Variants in MTAP observed in about 807,000 individuals in gnomAD.
The protein encoded by MTAP is S-methyl-5'-thioadenosine phosphorylase.
Under a neutral mutation model 33.6 loss-of-function variants are expected in MTAP, and 33 were observed. That is an observed-to-expected ratio of 0.98 (90% CI 0.74 to 1.31). The LOEUF (loss-of-function observed/expected upper bound fraction) is 1.31. Among genes scored for constraint, MTAP ranks in the 40% most tolerant of loss-of-function variants. MTAP has a pLI of 0.00. For synonymous variants in MTAP, 148 were observed against 125.7 expected, an observed-to-expected ratio of 1.18 and a Z score of -1.19; for missense variants, 367 against 360.0, an observed-to-expected ratio of 1.02 and a Z score of -0.16.
chr9:21,829,460 C>G (rs1358283227), intron 4 of MTAP, among the ~76,000 whole-genome samples: 2 of 150,328 alleles, frequency 1.3e-5, no homozygotes, highest in African/African-American at 4.9e-5. Context: ...CAGTCCCACT[C>G]TGTTGCCCAG....
intron 1 of MTAP, among the ~76,000 whole-genome samples, chr9:21,926,507 T>C (rs902490988): frequency 1.2e-4 from 19 of 152,204 alleles, no homozygotes; most frequent in African/African-American, 4.6e-4. Context: ...AGATGCTTTC[T>C]TTTGTGTCTC....
chr9:21,804,750 T>C (rs1057099036), intron 1 of MTAP, among the ~76,000 whole-genome samples: 2 of 152,224 alleles, frequency 1.3e-5, no homozygotes, highest in Non-Finnish European at 2.9e-5. Flanking sequence ...AGACCATCCA[T>C]ATAGCCACAC....
chr9:21,803,408 A>AAGG (rs1824119653), intron 1 of MTAP: 1 of 153,934 alleles, frequency 6.5e-6, no homozygotes, highest in African/African-American at 2.4e-5. Context: ...TTTCTTCGAA[A>AAGG]AGGAGTACAG....
chr9:21,830,096 A>T (rs567031386), intron 4 of MTAP, among the ~76,000 whole-genome samples: 1 of 152,222 alleles, frequency 6.6e-6, no homozygotes, highest in East Asian at 1.9e-4. Flanking sequence ...TTCTCATTCA[A>T]GTAAATTCCA....
intron 1 of MTAP, among the ~76,000 whole-genome samples, chr9:21,916,407 C>T (rs1196490146): frequency 6.6e-6 from 1 of 151,790 alleles, no homozygotes; most frequent in Admixed American, 6.6e-5. Flanking sequence ...GTCAGGAGTT[C>T]GAGACAGGCC....
chr9:21,804,643 A>G (rs1346596887), intron 1 of MTAP, among the ~76,000 whole-genome samples: 1 of 152,230 alleles, frequency 6.6e-6, no homozygotes, highest in Non-Finnish European at 1.5e-5. Context: ...CATTCTGTAT[A>G]GAAGATGTGA....
chr9:21,815,288 T>A, intron 1 of MTAP, 145 bp from the exon 2 acceptor site: 1 of 558,920 alleles, frequency 1.8e-6, no homozygotes, highest in Non-Finnish European at 3.1e-6. Flanking sequence ...TGTTGATTGA[T>A]GTTCAGTAAT....
downstream of MTAP, among the ~76,000 whole-genome samples, chr9:21,870,036 A>G (rs760962477): frequency 6.6e-5 from 10 of 152,086 alleles, no homozygotes; most frequent in Non-Finnish European, 1.3e-4. Flanking sequence ...CCTGCCTTTA[A>G]CATTAGAGTA....
intron 1 of MTAP, among the ~76,000 whole-genome samples, chr9:21,883,935 G>A (rs776276682): frequency 6.6e-6 from 1 of 151,952 alleles, no homozygotes; most frequent in Non-Finnish European, 1.5e-5. Context: ...GGTCATGTGG[G>A]AGCTTTGGTT....
At chr9:21,903,839 G>C (rs550698030) in intron 1 of MTAP, among the ~76,000 whole-genome samples, 25 of 152,296 alleles carry the variant, frequency 1.6e-4, no homozygotes, top group Middle Eastern at 3.4e-3. Context: ...GCCCTAGTGG[G>C]CATGAGTTAC....
rs369857382 is a variant in MTAP, at chr9:21,831,582, C to T, written c.348-6326C>T. ...CCTCAAGCAGTCTTCCTGCTTTGGC[C>T]TCCCCAAAGTGCTGGGATTATAGGC... On this transcript the variant is annotated intron_variant, in intron 4 of 7. Transcript: ENST00000644715. 8.5e-5 allele frequency among the ~76,000 whole-genome samples: 13 copies of T among 152,144 alleles called. No individual in the cohort carries two copies. The East Asian group carries it at 2.1e-3, about 25-fold the overall frequency.
At chr9:21,877,857 A>G (rs929004981) in intron 1 of MTAP, among the ~76,000 whole-genome samples, 14 of 152,030 alleles carry the variant, frequency 9.2e-5, no homozygotes, top group Non-Finnish European at 1.3e-4. Context: ...TGTTATTAGG[A>G]TGATACTGGC....
intron 4 of MTAP, among the ~76,000 whole-genome samples, chr9:21,828,521 A>G (rs1359949834): frequency 6.6e-6 from 1 of 151,750 alleles, no homozygotes; most frequent in Non-Finnish European, 1.5e-5. Flanking sequence ...TAAAAATACA[A>G]AAAAAAAGTA....
chr9:21,918,184 A>T (rs1818724538), intron 1 of MTAP, among the ~76,000 whole-genome samples: 2 of 143,842 alleles, frequency 1.4e-5, no homozygotes, highest in South Asian at 4.4e-4. Context: ...CCCCGTCTCT[A>T]CTAAAAATAC....
In MTAP at chr9:21,863,692, C is replaced by G. The variant is rs900824487; in HGVS notation, c.*1678C>G. 4.1e-6 allele frequency: 4 copies of G among 985,324 alleles called. No individual in the cohort carries two copies. Among genetic ancestry groups the G allele is most frequent in the South Asian group, 9.4e-5 (2 of 21,288 alleles). 61.0% of individuals were successfully genotyped at this position (985,324 alleles called of 1,614,324 possible). A position where few individuals can be genotyped will look rare whatever the true frequency, so the allele number is the denominator to read the frequency against. Reference sequence around the variant, plus strand: ...TTTATCATGGGGAGATCTTTTTCCTCAGAATTGTTTTCTTTTCACTGTAGG... The same window carrying G: ...TTTATCATGGGGAGATCTTTTTCCTGAGAATTGTTTTCTTTTCACTGTAGG... On this transcript the variant is annotated 3_prime_UTR_variant, in exon 8 of 8. Transcript: ENST00000644715.
rs150646893 is a variant in MTAP at position 21,890,568 on chromosome 9, C to G, written c.147+35698C>G. Among the ~76,000 whole-genome samples the G allele has an allele frequency of 9.3e-4, 141 of 152,264 alleles. No individual in the cohort carries two copies. In the East Asian group the frequency reaches 0.01, roughly 11 times the overall value. On this transcript the variant is annotated intron_variant, in intron 1 of 1. Transcript: ENST00000577563. Reference sequence around the variant, plus strand: ...TCCACTGGCAGCCCTCCCCAAGGACCCTTGTGAGAAAAAGTCAGAAATGGC... The same window carrying G: ...TCCACTGGCAGCCCTCCCCAAGGACGCTTGTGAGAAAAAGTCAGAAATGGC...
intron 1 of MTAP, among the ~76,000 whole-genome samples, chr9:21,899,188 AC>A (rs1340783979): frequency 2.3e-5 from 3 of 133,310 alleles, no homozygotes; most frequent in Non-Finnish European, 4.6e-5. Context: ...AATAATGAGA[AC>A]ACCTGGACAC....
At chr9:21,853,792 A>C (rs1334273407) in intron 5 of MTAP, among the ~76,000 whole-genome samples, 1 of 152,190 alleles carries the variant, frequency 6.6e-6, no homozygotes, top group Non-Finnish European at 1.5e-5. Context: ...CATTATTCTC[A>C]ATTTACACTT....
intron 1 of MTAP, among the ~76,000 whole-genome samples, chr9:21,885,194 C>T (rs545447239): frequency 6.6e-6 from 1 of 152,102 alleles, no homozygotes; most frequent in African/African-American, 2.4e-5. Context: ...CAAAATCCAG[C>T]CATGCCCACC....
Sources: gnomAD v4.1 joint callset for allele counts (sites outside exome capture counted in the v4.1 genomes callset) on GRCh38, gnomAD v4.1.1 for gene constraint, MANE v1.5 for transcripts, NCBI Gene and HGNC (gene_info 2026-07-23, HGNC 2026-07-21) for gene names.